Variants in PPP1R9A observed in about 807,000 individuals in gnomAD.
PPP1R9A encodes the protein protein phosphatase 1 regulatory subunit 9A.
PPP1R9A carries 59 observed loss-of-function variants against 141.9 expected under a neutral mutation model. The ratio of observed to expected loss-of-function variants is 0.42; its 90% CI spans 0.34 to 0.52. The LOEUF is 0.52. Ranked by LOEUF, PPP1R9A falls within the 20% of genes least tolerant of loss-of-function variation. The probability of loss-of-function intolerance (pLI) is 0.10; values close to 1 mark genes in which losing one functional copy is unlikely to be tolerated. For missense variants in PPP1R9A, 1,444 were observed against 1,611.9 expected (o/e 0.90, Z 1.78); for synonymous variants, 500 against 569.7 (o/e 0.88, Z 1.74).
At chr7:95,000,946 GTTGA>G (rs1377596015) in intron 2 of PPP1R9A, among the ~76,000 whole-genome samples, 1 of 152,146 alleles carries the variant, frequency 6.6e-6, no homozygotes, top group Admixed American at 6.6e-5. Flanking sequence ...CATTTCAAAG[GTTGA>G]TTCTGATCTT....
chr7:95,026,409 T>C (rs1806847761), intron 2 of PPP1R9A, among the ~76,000 whole-genome samples: 1 of 152,228 alleles, frequency 6.6e-6, no homozygotes, highest in Non-Finnish European at 1.5e-5. Flanking sequence ...CAGTGGAGGC[T>C]GCAGATCAGC....
intron 2 of PPP1R9A, among the ~76,000 whole-genome samples, chr7:95,023,641 C>A (rs574085428): frequency 6.6e-6 from 1 of 152,052 alleles, no homozygotes; most frequent in Admixed American, 6.6e-5. Flanking sequence ...GCAAGCTCTG[C>A]CTCCTGGTTT....
intron 2 of PPP1R9A, among the ~76,000 whole-genome samples, chr7:95,082,832 T>C (rs1214451445): frequency 2.1e-5 from 3 of 143,470 alleles, no homozygotes; most frequent in Non-Finnish European, 4.5e-5. Flanking sequence ...CTCGGCTCAC[T>C]GCAAGCTCCA....
At chr7:95,152,638 A>G (rs982563732) in intron 4 of PPP1R9A, among the ~76,000 whole-genome samples, 1 of 152,156 alleles carries the variant, frequency 6.6e-6, no homozygotes, top group Non-Finnish European at 1.5e-5. Flanking sequence ...CTTGAAAAAT[A>G]AACATTTATC....
chr7:94,951,225 G>GT (rs1262157234), intron 2 of PPP1R9A, among the ~76,000 whole-genome samples: 4 of 151,110 alleles, frequency 2.6e-5, no homozygotes, highest in African/African-American at 2.4e-5. Context: ...TTATACTTTT[G>GT]TTTTTTTTCT....
chr7:95,094,879 C>CCA (rs1817824292), intron 2 of PPP1R9A, among the ~76,000 whole-genome samples: 1 of 44,974 alleles, frequency 2.2e-5, no homozygotes, highest in Non-Finnish European at 4.2e-5. Flanking sequence ...GACTGCGTCT[C>CCA]AAAAAAAAAA....
At chr7:95,164,769 G>A in intron 5 of PPP1R9A, among the ~76,000 whole-genome samples, 1 of 104,898 alleles carries the variant, frequency 9.5e-6, no homozygotes, top group South Asian at 3.0e-4. Flanking sequence ...TTTCAGGCAT[G>A]GCCTATTTTA....
chr7:95,260,169 G>A (rs1260229932), intron 12 of PPP1R9A, among the ~76,000 whole-genome samples: 1 of 152,094 alleles, frequency 6.6e-6, no homozygotes, highest in East Asian at 1.9e-4. Context: ...TACTTAAAAA[G>A]CAAAGCACCT....
intron 5 of PPP1R9A, among the ~76,000 whole-genome samples, chr7:95,197,846 G>C (rs1382424394): frequency 2.0e-5 from 3 of 151,830 alleles, no homozygotes; most frequent in Non-Finnish European, 4.4e-5. Flanking sequence ...ACGGGATTTT[G>C]CCTTCTTGGC....
At position 95,284,117 on chromosome 7, in the gene PPP1R9A, C is replaced by T. The variant is rs758946106; in HGVS notation, c.3396C>T (p.Asp1132=). Residue 1132 remains aspartate (D), a synonymous_variant, in exon 17 of 20, where the codon GAC becomes GAT. Coordinates refer to ENST00000433360, the MANE Select transcript of PPP1R9A (RefSeq NM_001166160.2). ...GCATGCCTTTCTCATGGTTTAATGACAGCCGGAAAGGATCCTATTCCTTCA... is the reference window on the plus strand; with the variant it reads ...GCATGCCTTTCTCATGGTTTAATGATAGCCGGAAAGGATCCTATTCCTTCA... The part of the protein sequence containing the change: ...SPCMPFSWFN[D]SRKGSYSFRN... 5 of 1,591,576 alleles carry T rather than the reference C, an allele frequency of 3.1e-6. No homozygotes were observed. Among genetic ancestry groups the T allele is most frequent in the Non-Finnish European group, 4.3e-6 (5 of 1,172,686 alleles).
At chr7:95,199,260 G>A (rs1358383) in intron 6 of PPP1R9A, among the ~76,000 whole-genome samples, 109,327 of 152,068 alleles carry the variant, frequency 0.72, 40,656 homozygotes, top group East Asian at 0.97. Context: ...AAACATTCAT[G>A]TGTTTCATAT....
intron 2 of PPP1R9A, among the ~76,000 whole-genome samples, chr7:95,062,677 C>T (rs1335235303): frequency 1.3e-5 from 2 of 151,914 alleles, no homozygotes; most frequent in Non-Finnish European, 2.9e-5. Flanking sequence ...TGTGAGCCAC[C>T]GCACCCGGCC....
intron 16 of PPP1R9A, among the ~76,000 whole-genome samples, chr7:95,280,975 G>A (rs898987615): frequency 2.6e-5 from 4 of 152,146 alleles, no homozygotes; most frequent in Admixed American, 1.3e-4. Context: ...CTTCTATTGT[G>A]GGCCCAAGAG....
intron 14 of PPP1R9A, among the ~76,000 whole-genome samples, chr7:95,270,173 T>C (rs1205031296): frequency 6.6e-6 from 1 of 152,148 alleles, no homozygotes; most frequent in African/African-American, 2.4e-5. Context: ...TAAAATATTT[T>C]ACTCTGTGGC....
chr7:95,196,040 ACT>A (rs1461047459), intron 5 of PPP1R9A, among the ~76,000 whole-genome samples: 2 of 150,738 alleles, frequency 1.3e-5, no homozygotes, highest in East Asian at 2.0e-4. Context: ...ACAGAGCAAG[ACT>A]CTGTTTTAAA....
At chr7:95,086,187 T>A (rs1816607103) in intron 2 of PPP1R9A, among the ~76,000 whole-genome samples, 1 of 151,992 alleles carries the variant, frequency 6.6e-6, no homozygotes. Flanking sequence ...CATCTTATGT[T>A]AGAATAGTTT....
chr7:95,035,250 A>G (rs922686898), intron 2 of PPP1R9A, among the ~76,000 whole-genome samples: 2 of 152,214 alleles, frequency 1.3e-5, no homozygotes, highest in Non-Finnish European at 2.9e-5. Flanking sequence ...GATTCAAATT[A>G]ATTAAAAATA....
At chr7:95,180,171 A>G (rs1343369754) in intron 5 of PPP1R9A, among the ~76,000 whole-genome samples, 1 of 152,184 alleles carries the variant, frequency 6.6e-6, no homozygotes. Flanking sequence ...TGGTATAAAA[A>G]TAGGCATATA....
At chr7:95,007,858 G>A (rs1212149343) in intron 2 of PPP1R9A, among the ~76,000 whole-genome samples, 2 of 152,086 alleles carry the variant, frequency 1.3e-5, no homozygotes, top group Non-Finnish European at 2.9e-5. Flanking sequence ...GATCACCTGA[G>A]GTCAGGAGCT....
Sources: allele counts gnomAD v4.1 joint callset (sites outside exome capture counted in the v4.1 genomes callset), GRCh38; gene constraint gnomAD v4.1.1; transcripts MANE v1.5; gene names NCBI Gene and HGNC (gene_info 2026-07-23, HGNC 2026-07-21).